Variants in PXT1 observed in about 807,000 individuals in gnomAD.
The protein encoded by PXT1 is peroxisomal testis enriched protein 1.
In PXT1, 11 loss-of-function variants were observed where a neutral mutation model predicts 11.0. The observed-to-expected ratio is 1.00, with a 90% confidence interval of 0.63 to 1.66. The LOEUF is 1.66. Among genes scored for constraint, PXT1 ranks in the 40% most tolerant of loss-of-function variants. PXT1 has a pLI of 0.00. For synonymous variants in PXT1, 43 were observed against 51.4 expected (o/e 0.84, Z 0.70); for missense variants, 141 against 155.5 (o/e 0.91, Z 0.49).
At chr6:36,398,013 T>G (rs923355624) in intron 4 of PXT1, among the ~76,000 whole-genome samples, 3 of 148,154 alleles carry the variant, frequency 2.0e-5, no homozygotes, top group African/African-American at 7.6e-5. Flanking sequence ...AGACTCTGTC[T>G]CAAAAAAAAA....
intron 3 of PXT1, among the ~76,000 whole-genome samples, chr6:36,409,107 T>C (rs1414856609): frequency 1.3e-5 from 2 of 152,166 alleles, no homozygotes; most frequent in African/African-American, 4.8e-5. Flanking sequence ...CCATTTATAC[T>C]CCTGATTTTG....
At chr6:36,394,430 T>C (rs1043372463) in intron 4 of PXT1, among the ~76,000 whole-genome samples, 7 of 152,186 alleles carry the variant, frequency 4.6e-5, no homozygotes, top group Non-Finnish European at 8.8e-5. Context: ...CATTATGATA[T>C]CAGTCAGATT....
At chr6:36,396,414 C>G (rs945962609) in intron 4 of PXT1, among the ~76,000 whole-genome samples, 1 of 152,218 alleles carries the variant, frequency 6.6e-6, no homozygotes. Context: ...CACCCTACCC[C>G]TACCCCTGAA....
intron 2 of PXT1, among the ~76,000 whole-genome samples, chr6:36,437,090 A>G (rs957514053): frequency 3.9e-5 from 6 of 152,154 alleles, no homozygotes; most frequent in African/African-American, 1.4e-4. Flanking sequence ...GTTCAAGACC[A>G]GCCTGGCCAA....
chr6:36,405,895 C>T (rs368117339), intron 3 of PXT1, among the ~76,000 whole-genome samples: 4 of 152,316 alleles, frequency 2.6e-5, no homozygotes, highest in African/African-American at 7.2e-5. Flanking sequence ...AGCCTAGGAG[C>T]AACAGGCTAT....
At chr6:36,396,513 G>T (rs1185819114) in intron 4 of PXT1, among the ~76,000 whole-genome samples, 1 of 152,202 alleles carries the variant, frequency 6.6e-6, no homozygotes, top group Admixed American at 6.5e-5. Context: ...GCTGAGTCCC[G>T]CATGGCGCCG....
chr6:36,421,269 C>T (rs1466789236), intron 3 of PXT1, among the ~76,000 whole-genome samples: 2 of 152,022 alleles, frequency 1.3e-5, no homozygotes, highest in Non-Finnish European at 2.9e-5. Context: ...TAAGATGAGC[C>T]TGGGTAACAA....
intron 3 of PXT1, among the ~76,000 whole-genome samples, chr6:36,401,275 T>C (rs1213682514): frequency 6.6e-6 from 1 of 152,122 alleles, no homozygotes; most frequent in Non-Finnish European, 1.5e-5. Context: ...CACCTCAATT[T>C]AGATGCTAAC....
intron 4 of PXT1, among the ~76,000 whole-genome samples, chr6:36,395,798 GAGACCA>G (rs902560635): frequency 7.9e-5 from 12 of 152,090 alleles, no homozygotes; most frequent in Non-Finnish European, 1.6e-4. Context: ...CCAGGAGTTT[GAGACCA>G]GGCTGGGCAA....
chr6:36,436,191 A>C (rs1168999534), intron 2 of PXT1, among the ~76,000 whole-genome samples: 2 of 150,620 alleles, frequency 1.3e-5, no homozygotes, highest in African/African-American at 4.9e-5. Flanking sequence ...ATACATAGGC[A>C]GGGGCCAAAT....
chr6:36,417,572 T>C (rs1291007266), intron 3 of PXT1, among the ~76,000 whole-genome samples: 2 of 123,908 alleles, frequency 1.6e-5, no homozygotes, highest in Non-Finnish European at 3.3e-5. Context: ...CTGGGCAACA[T>C]AGTGAGACTT....
In PXT1 at chr6:36,414,735, A is replaced by T. The variant is rs540276550; in HGVS notation, c.169+11179T>A. 3.3e-5 allele frequency among the ~76,000 whole-genome samples: 5 copies of T among 152,308 alleles called. No homozygotes were observed. The South Asian group carries it at 8.3e-4, about 25-fold the overall frequency. On this transcript the variant is annotated intron_variant, in intron 3 of 4. Coordinates refer to ENST00000454782, the MANE Select transcript of PXT1 (RefSeq NM_152990.4). ...AAAAAAATGAGGTTGAAAGTACTGG[A>T]AGTCTTGGCCTCTCCACATTCTGGG...
At chr6:36,405,229 TA>T (rs1417033109) in intron 3 of PXT1, among the ~76,000 whole-genome samples, 1 of 152,142 alleles carries the variant, frequency 6.6e-6, no homozygotes, top group African/African-American at 2.4e-5. Context: ...AAAAATCTTA[TA>T]GAATAAAGAT....
At chr6:36,418,811 G>A (rs575968211) in intron 3 of PXT1, among the ~76,000 whole-genome samples, 21 of 152,304 alleles carry the variant, frequency 1.4e-4, no homozygotes, top group Admixed American at 1.4e-3. Flanking sequence ...CTCCTCCAGA[G>A]GCCACTGAGC....
chr6:36,391,968 T>C lies in PXT1; in HGVS notation c.301-94A>G, dbSNP rs1774075730. ...GTTAAAAATTCAACACAATGGAAAA[T>C]ATTAATTCAATCCATGCTGCAAACA... On this transcript the variant is annotated intron_variant, in intron 4 of 4. Coordinates refer to ENST00000454782, the MANE Select transcript of PXT1 (RefSeq NM_152990.4). The C allele has an allele frequency of 4.9e-6, 4 of 809,128 alleles. No homozygotes were observed. In the Admixed American group the frequency reaches 7.4e-5, roughly 15 times the overall value. 50.1% of individuals were successfully genotyped at this position (809,128 alleles called of 1,614,324 possible). A position where few individuals can be genotyped will look rare whatever the true frequency, so the allele number is the denominator to read the frequency against.
chr6:36,398,603 G>C (rs1468620820), intron 4 of PXT1, among the ~76,000 whole-genome samples: 3 of 152,180 alleles, frequency 2.0e-5, no homozygotes, highest in African/African-American at 7.2e-5. Flanking sequence ...AGTATGTTAA[G>C]TGAAAGAAGC....
chr6:36,422,958 G>A (rs1194721952), intron 3 of PXT1, among the ~76,000 whole-genome samples: 1 of 152,100 alleles, frequency 6.6e-6, no homozygotes, highest in African/African-American at 2.4e-5. Context: ...TGTTTCCCCA[G>A]GAGTTTCTAA....
intron 2 of PXT1, among the ~76,000 whole-genome samples, chr6:36,433,964 T>C (rs1432784286): frequency 2.0e-5 from 3 of 151,510 alleles, no homozygotes; most frequent in Non-Finnish European, 4.4e-5. Flanking sequence ...AAAGAAAATA[T>C]GAGAAAATGT....
chr6:36,440,696 T>G (rs1253174915), intron 1 of PXT1, among the ~76,000 whole-genome samples: 1 of 152,172 alleles, frequency 6.6e-6, no homozygotes, highest in Non-Finnish European at 1.5e-5. Flanking sequence ...ACACCTATGC[T>G]TTCTGTGAAT....
Sources: allele counts gnomAD v4.1 joint callset (sites outside exome capture counted in the v4.1 genomes callset), GRCh38; gene constraint gnomAD v4.1.1; transcripts MANE v1.5; gene names NCBI Gene and HGNC (gene_info 2026-07-23, HGNC 2026-07-21).